The following ANKS1B variants were observed in gnomAD, a reference collection of about 807,000 sequenced individuals.
ANKS1B encodes ankyrin repeat and sterile alpha motif domain-containing protein 1B.
A neutral mutation model predicts 148.3 loss-of-function variants in ANKS1B; 36 were observed. That is an observed-to-expected ratio of 0.24 (90% CI 0.19 to 0.32). ANKS1B has a LOEUF of 0.32. Among genes scored for constraint, ANKS1B ranks in the 10% least tolerant of loss-of-function variants. The probability of loss-of-function intolerance (pLI) is 1.00; values close to 1 mark genes in which losing one functional copy is unlikely to be tolerated. For synonymous variants in ANKS1B, 542 were observed against 560.8 expected (o/e 0.97, Z 0.47); for missense variants, 1,157 against 1,542.6 (o/e 0.75, Z 4.19).
intron 12 of ANKS1B, among the ~76,000 whole-genome samples, chr12:99,369,320 A>G (rs2092953342): frequency 6.6e-6 from 1 of 152,212 alleles, no homozygotes; most frequent in African/African-American, 2.4e-5. Flanking sequence ...AGGACAAGTT[A>G]AACAATCAGA....
At chr12:99,884,599 G>A (rs906401492) in intron 1 of ANKS1B, among the ~76,000 whole-genome samples, 5 of 152,104 alleles carry the variant, frequency 3.3e-5, no homozygotes, top group African/African-American at 4.8e-5. Flanking sequence ...AACAACATGG[G>A]TGAATCACAA....
chr12:99,395,439 A>AAGCTAG (rs2094212965), intron 12 of ANKS1B, among the ~76,000 whole-genome samples: 1 of 152,180 alleles, frequency 6.6e-6, no homozygotes, highest in South Asian at 2.1e-4. Context: ...TCATCAGCTT[A>AAGCTAG]AGCTAGAAAC....
At chr12:99,196,563 G>A (rs1405386862) in intron 14 of ANKS1B, among the ~76,000 whole-genome samples, 1 of 151,434 alleles carries the variant, frequency 6.6e-6, no homozygotes, top group African/African-American at 2.4e-5. Flanking sequence ...AACATAGAGG[G>A]TGAGTTGCTC....
intron 1 of ANKS1B, among the ~76,000 whole-genome samples, chr12:99,891,082 T>C (rs898276733): frequency 3.9e-5 from 6 of 152,222 alleles, no homozygotes; most frequent in African/African-American, 1.4e-4. Flanking sequence ...GCATAATGTT[T>C]TTGAAGTTTA....
chr12:98,910,677 C>T (rs1359220048), intron 17 of ANKS1B, among the ~76,000 whole-genome samples: 4 of 152,118 alleles, frequency 2.6e-5, no homozygotes. Context: ...TTTGTAGAAA[C>T]TTGTTGTAAA....
chr12:99,057,903 A>C (rs1205634315), intron 16 of ANKS1B, among the ~76,000 whole-genome samples: 2 of 152,172 alleles, frequency 1.3e-5, no homozygotes, highest in African/African-American at 4.8e-5. Context: ...CTTGGAATCT[A>C]CCCTAGCTCG....
At chr12:99,251,412 AT>A (rs1056366763) in intron 12 of ANKS1B, among the ~76,000 whole-genome samples, 2 of 152,136 alleles carry the variant, frequency 1.3e-5, no homozygotes, top group African/African-American at 4.8e-5. Flanking sequence ...TTTGGAAAGA[AT>A]TTTTTGTGTT....
At chr12:98,874,558 T>C (rs2099682646) in intron 17 of ANKS1B, among the ~76,000 whole-genome samples, 1 of 152,146 alleles carries the variant, frequency 6.6e-6, no homozygotes, top group African/African-American at 2.4e-5. Context: ...CTAAGGCTCC[T>C]GTTGTTTGGG....
intron 8 of ANKS1B, among the ~76,000 whole-genome samples, chr12:99,660,784 GTTC>G (rs1439568820): frequency 6.6e-6 from 1 of 151,996 alleles, no homozygotes; most frequent in Non-Finnish European, 1.5e-5. Flanking sequence ...AGCTTTTCAT[GTTC>G]TTCTGATAAA....
chr12:99,435,862 T>G (rs1376145086), intron 11 of ANKS1B, among the ~76,000 whole-genome samples: 1 of 152,038 alleles, frequency 6.6e-6, no homozygotes, highest in Non-Finnish European at 1.5e-5. Context: ...GGGGTGGAAC[T>G]CAGGTATTTT....
At chr12:99,835,094 C>A (rs2084619696) in intron 1 of ANKS1B, among the ~76,000 whole-genome samples, 1 of 151,880 alleles carries the variant, frequency 6.6e-6, no homozygotes, top group Non-Finnish European at 1.5e-5. Flanking sequence ...TCAAATGGGT[C>A]TATATCAGCA....
chr12:99,752,784 A>AT (rs2061230115), intron 8 of ANKS1B, among the ~76,000 whole-genome samples: 1 of 151,944 alleles, frequency 6.6e-6, no homozygotes, highest in African/African-American at 2.4e-5. Flanking sequence ...ACTAGAATTC[A>AT]TTTTTTCATC....
At chr12:99,533,428 G>C (rs1490355079) in intron 9 of ANKS1B, among the ~76,000 whole-genome samples, 1 of 152,142 alleles carries the variant, frequency 6.6e-6, no homozygotes, top group African/African-American at 2.4e-5. Context: ...AGATCTAGGA[G>C]TCTTTTGGAG....
chr12:99,549,933 A>G (rs1237916133), intron 9 of ANKS1B, among the ~76,000 whole-genome samples: 1 of 152,114 alleles, frequency 6.6e-6, no homozygotes, highest in Non-Finnish European at 1.5e-5. Context: ...TGTCCACCCC[A>G]TTTCACAACA....
chr12:98,748,786 A>G (rs976878881), intron 26 of ANKS1B, among the ~76,000 whole-genome samples: 8 of 152,192 alleles, frequency 5.3e-5, no homozygotes, highest in African/African-American at 1.7e-4. Context: ...TGAATATTCT[A>G]TGAGCTCTTA....
rs998550803 is a variant in ANKS1B, at chr12:99,143,625, G to C, written c.2526+10664C>G. Among the ~76,000 whole-genome samples the C allele has an allele frequency of 9.9e-5, 15 of 152,064 alleles. 1 individual carries two copies. Among genetic ancestry groups the C allele is most frequent in the African/African-American group, 3.6e-4 (15 of 41,426 alleles). On this transcript the variant is annotated intron_variant, in intron 15 of 26. Coordinates refer to ENST00000683438, the MANE Select transcript of ANKS1B (RefSeq NM_001352186.2). ...ATGATCACTGCTACTGTTTGATGTG[G>C]TGTCTCCTGCATGAATGAAATGACT... is the stretch of plus-strand genomic sequence containing the variant.
chr12:99,456,125 C>A (rs976211325), intron 10 of ANKS1B, among the ~76,000 whole-genome samples: 41 of 152,214 alleles, frequency 2.7e-4, no homozygotes, highest in African/African-American at 9.4e-4. Context: ...CTCCCAGTAC[C>A]AGCCTGGAGC....
At chr12:99,521,187 G>A (rs1264821537) in intron 9 of ANKS1B, among the ~76,000 whole-genome samples, 1 of 152,138 alleles carries the variant, frequency 6.6e-6, no homozygotes, top group Non-Finnish European at 1.5e-5. Flanking sequence ...GCATTCTTCA[G>A]TGTGTTGATT....
At chr12:99,958,039 T>C (rs1041739181) in intron 1 of ANKS1B, among the ~76,000 whole-genome samples, 3 of 152,150 alleles carry the variant, frequency 2.0e-5, no homozygotes, top group African/African-American at 7.2e-5. Flanking sequence ...AATAGATGCA[T>C]GTACAAGGTG....
Sources: allele counts gnomAD v4.1 joint callset (sites outside exome capture counted in the v4.1 genomes callset), GRCh38; gene constraint gnomAD v4.1.1; transcripts MANE v1.5; gene names NCBI Gene and HGNC (gene_info 2026-07-23, HGNC 2026-07-21).